Variants in MPRIP observed in about 807,000 individuals in gnomAD.
The protein encoded by MPRIP is myosin phosphatase Rho-interacting protein.
In MPRIP, 59 loss-of-function variants were observed where a neutral mutation model predicts 234.9. The observed-to-expected ratio is 0.25, with a 90% CI of 0.20 to 0.31. The LOEUF is 0.31. MPRIP is among the 10% of genes least tolerant of loss of function. The probability of loss-of-function intolerance (pLI) is 1.00; values close to 1 mark genes in which losing one functional copy is unlikely to be tolerated. For missense variants in MPRIP, 2,436 were observed against 3,071.0 expected, an observed-to-expected ratio of 0.79 and a Z score of 4.89; for synonymous variants, 1,144 against 1,263.9, an observed-to-expected ratio of 0.91 and a Z score of 2.01.
intron 11 of MPRIP, 106 bp downstream of exon 11, chr17:17,147,493 A>G: frequency 1.1e-5 from 12 of 1,079,426 alleles, no homozygotes; most frequent in Non-Finnish European, 1.7e-5. Flanking sequence ...CCCACTTCTG[A>G]GGACAGCGCC....
chr17:17,114,985 T>C (rs1014891035), intron 3 of MPRIP, among the ~76,000 whole-genome samples: 5 of 152,274 alleles, frequency 3.3e-5, no homozygotes, highest in African/African-American at 1.2e-4. Flanking sequence ...GGGAAAGCCC[T>C]GAACGGGTCA....
intron 4 of MPRIP, among the ~76,000 whole-genome samples, chr17:17,129,797 C>G (rs1324287658): frequency 1.3e-5 from 2 of 152,258 alleles, no homozygotes; most frequent in East Asian, 1.9e-4. Context: ...CCAGCATGCT[C>G]CACACCTTGG....
chr17:17,098,649 A>G (rs758945912), intron 3 of MPRIP, among the ~76,000 whole-genome samples: 10 of 152,250 alleles, frequency 6.6e-5, no homozygotes, highest in South Asian at 4.2e-4. Context: ...CCCTCTGCAT[A>G]TGGGATGGCC....
intron 3 of MPRIP, among the ~76,000 whole-genome samples, chr17:17,119,215 A>T (rs947472586): frequency 1.4e-4 from 21 of 152,212 alleles, no homozygotes; most frequent in Non-Finnish European, 2.2e-4. Context: ...TGGCTCGAGC[A>T]GCCAGACCAT....
At chr17:17,050,402 T>C (rs1001196848) in intron 1 of MPRIP, among the ~76,000 whole-genome samples, 2 of 152,134 alleles carry the variant, frequency 1.3e-5, no homozygotes, top group African/African-American at 4.8e-5. Flanking sequence ...CATTACACCA[T>C]GCAAAAAAGT....
chr17:17,167,987 C>T lies in MPRIP; in HGVS notation c.6324+72C>T. 10 of 1,163,688 alleles carry T rather than the reference C, an allele frequency of 8.6e-6. No homozygotes were observed. Among genetic ancestry groups the T allele is most frequent in the Non-Finnish European group, 1.0e-5 (9 of 889,454 alleles). The allele number at this position is 1,163,688 out of a possible 1,614,324, so 72.1% of individuals were successfully genotyped here. A position where few individuals can be genotyped will look rare whatever the true frequency, so the allele number is the denominator to read the frequency against. ...GGGGTGGGTGTGGGGACGTCTGGCT[C>T]AGCTACCGTGCAGGCAGAATTGAGG... On this transcript the variant is annotated intron_variant, in intron 16 of 23. Coordinates refer to ENST00000651222, the MANE Select transcript of MPRIP (RefSeq NM_001364716.4). The surrounding 1 kb of genome is among the most constrained non-coding windows in gnomAD (Gnocchi z 5.9).
rs2089227718 is a variant in MPRIP at position 17,072,743 on chromosome 17, C to T, written c.124-2967C>T. Among the ~76,000 whole-genome samples, 2 of 152,060 alleles carry T rather than the reference C, an allele frequency of 1.3e-5. 1 individual carries two copies. Among genetic ancestry groups the T allele is most frequent in the Admixed American group, 1.3e-4 (2 of 15,276 alleles). ...GTGATATAGCTGGCCAGTTCCTGTC[C>T]CTGGCTCCCTGGACTTGAGGAGTGA... is the stretch of plus-strand genomic sequence containing the variant. On this transcript the variant is annotated intron_variant, in intron 1 of 23. Transcript: ENST00000651222.
In MPRIP at chr17:17,186,109, A is replaced by C. The variant is rs1393586042; in HGVS notation, c.*1215A>C. The C allele has an allele frequency of 6.5e-6, 1 of 152,874 alleles. No individual in the cohort carries two copies. The highest frequency in any genetic ancestry group is 1.5e-5 in the Non-Finnish European group (1 of 68,582). The allele number at this position is 152,874 out of a possible 1,614,324, so 9.5% of individuals were successfully genotyped here. A position where few individuals can be genotyped will look rare whatever the true frequency, so the allele number is the denominator to read the frequency against. ...CCCCATGAAAACCATTAATCCCATT[A>C]AGATAGGGAGTATAAACCCCTGGCT... On this transcript the variant is annotated 3_prime_UTR_variant, in exon 24 of 24. Transcript: ENST00000651222.
At chr17:17,108,800 C>T (rs2090112763) in intron 3 of MPRIP, among the ~76,000 whole-genome samples, 1 of 152,240 alleles carries the variant, frequency 6.6e-6, no homozygotes, top group Admixed American at 6.5e-5. Flanking sequence ...CTAGATCTGC[C>T]TGGCAGGCCT....
rs890101776 is a variant in MPRIP at position 17,185,351 on chromosome 17, C to A, written c.*457C>A. The A allele has an allele frequency of 1.3e-5, 5 of 376,650 alleles. No individual in the cohort carries two copies. The highest frequency in any genetic ancestry group is 2.1e-5 in the Non-Finnish European group (4 of 189,368). 23.3% of individuals were successfully genotyped at this position (376,650 alleles called of 1,614,324 possible). ...GGACACTCCAGCTTGGCCTGGGTCA[C>A]AGCACTGACTCCTCACCCGCTAGTC... is the stretch of plus-strand genomic sequence containing the variant. On this transcript the variant is annotated 3_prime_UTR_variant, in exon 24 of 24. Coordinates refer to ENST00000651222, the MANE Select transcript of MPRIP (RefSeq NM_001364716.4).
At position 17,086,620 on chromosome 17, in the gene MPRIP, A is replaced by G. The variant is rs1264776081; in HGVS notation, c.267+8544A>G. ...GGCCAGATTTAAGTTATTTTGAAAC[A>G]CTAAAGGTGAGTGAGCCAGGTCTGG... On this transcript the variant is annotated intron_variant, in intron 3 of 23. Transcript: ENST00000651222. Among the ~76,000 whole-genome samples, 3 of 152,214 alleles carry G rather than the reference A, an allele frequency of 2.0e-5. No individual in the cohort carries two copies. The East Asian group carries it at 5.8e-4, about 29-fold the overall frequency.
intron 1 of MPRIP, among the ~76,000 whole-genome samples, chr17:17,046,342 C>G (rs1012641262): frequency 6.6e-6 from 1 of 152,076 alleles, no homozygotes; most frequent in Non-Finnish European, 1.5e-5. Context: ...GTGAATGTTT[C>G]GGCAAAGAGT....
intron 13 of MPRIP, among the ~76,000 whole-genome samples, chr17:17,156,980 G>A (rs2045744054): frequency 6.6e-6 from 1 of 152,080 alleles, no homozygotes; most frequent in Non-Finnish European, 1.5e-5. Flanking sequence ...GGCCCTAATT[G>A]AAACACATGT....
At chr17:17,084,658 C>T (rs977192140) in intron 3 of MPRIP, among the ~76,000 whole-genome samples, 3 of 152,234 alleles carry the variant, frequency 2.0e-5, no homozygotes, top group Non-Finnish European at 2.9e-5. Context: ...CCTGCTGCCT[C>T]GTGCGGGTGG....
Position 17,150,118 on chromosome 17 carries a change from C to T in MPRIP, c.1630-26C>T, listed in dbSNP as rs374703102. ...CATTGGTTCTACTTCCTAAAAATCT[C>T]AAGACATTCTCACTTCCCTCGGCAG... On this transcript the variant is annotated intron_variant, in intron 11 of 23. Coordinates refer to ENST00000651222, the MANE Select transcript of MPRIP (RefSeq NM_001364716.4). 2.6e-5 allele frequency: 42 copies of T among 1,588,858 alleles called. 1 individual carries two copies. The East Asian group carries it at 7.8e-4, about 30-fold the overall frequency.
At chr17:17,151,564 C>T (rs1308170582) in intron 12 of MPRIP, among the ~76,000 whole-genome samples, 4 of 152,224 alleles carry the variant, frequency 2.6e-5, no homozygotes, top group Admixed American at 2.6e-4. Flanking sequence ...TGGTTGGCTA[C>T]TTTCACATGG....
In MPRIP at chr17:17,167,498, G is replaced by A. The variant is rs2046029028; in HGVS notation, c.5907G>A (p.Glu1969=). 1.5e-6 allele frequency: 2 copies of A among 1,304,076 alleles called. No homozygotes were observed. Among genetic ancestry groups the A allele is most frequent in the Non-Finnish European group, 2.0e-6 (2 of 988,962 alleles). 80.8% of individuals were successfully genotyped at this position (1,304,076 alleles called of 1,614,324 possible). A position where few individuals can be genotyped will look rare whatever the true frequency, so the allele number is the denominator to read the frequency against. The part of the protein sequence containing the change: ...LTRTESTLQA[E]RSRVLSQLDA... The stretch of plus-strand genomic sequence containing the variant: ...GGACCGAGAGCACACTGCAGGCTGA[G>A]CGCAGCCGGGTCCTGAGCCAGCTGG... Residue 1969 remains glutamate, a synonymous_variant, in exon 16 of 24, where the codon GAG becomes GAA. Coordinates refer to ENST00000651222, the MANE Select transcript of MPRIP (RefSeq NM_001364716.4). The surrounding 1 kb of genome is among the most constrained non-coding windows in gnomAD (Gnocchi z 5.9).
At chr17:17,148,100 GC>G (rs1035955207) in intron 11 of MPRIP, among the ~76,000 whole-genome samples, 1 of 152,184 alleles carries the variant, frequency 6.6e-6, no homozygotes, top group Non-Finnish European at 1.5e-5. Context: ...ATCATTAAGG[GC>G]CGGGATATGT....
intron 3 of MPRIP, chr17:17,096,674 G>A (rs1410997387): frequency 1.1e-5 from 5 of 455,670 alleles, no homozygotes; most frequent in Non-Finnish European, 2.3e-5. Context: ...TACTCCGGCT[G>A]CCTTGAGCAA....
Sources: allele counts gnomAD v4.1 joint callset (sites outside exome capture counted in the v4.1 genomes callset), GRCh38; gene constraint gnomAD v4.1.1; non-coding constraint Gnocchi (gnomAD v3.1); transcripts MANE v1.5; gene names NCBI Gene and HGNC (gene_info 2026-07-23, HGNC 2026-07-21).